ABL1: variants seen among roughly 807,000 people sequenced by gnomAD.
ABL1 encodes the protein tyrosine-protein kinase ABL1.
In ABL1, 11 loss-of-function variants were observed where a neutral mutation model predicts 94.7. The ratio of observed to expected loss-of-function variants is 0.12; its 90% CI spans 0.07 to 0.19. ABL1 has a LOEUF of 0.19. Ranked by LOEUF, ABL1 falls within the 10% of genes least tolerant of loss-of-function variation. The pLI is 1.00. For missense variants in ABL1, 1,082 were observed against 1,489.4 expected (o/e 0.73, Z 4.50); for synonymous variants, 656 against 622.4 (o/e 1.05, Z -0.80).
chr9:130,727,186 T>C (rs1239686851), intron 1 of ABL1, among the ~76,000 whole-genome samples: 9 of 152,134 alleles, frequency 5.9e-5, no homozygotes, highest in Admixed American at 5.9e-4. Flanking sequence ...ACATCTTCTA[T>C]ATTCTTACTT....
rs1350592542 is a variant in ABL1 at position 130,872,626 on chromosome 9, C to T, written c.908-234C>T. Among the ~76,000 whole-genome samples the T allele has an allele frequency of 6.6e-6, 1 of 152,198 alleles. No individual in the cohort carries two copies. Among genetic ancestry groups the T allele is most frequent in the African/African-American group, 2.4e-5 (1 of 41,440 alleles). ...CCAGGTCTGCGTCTGAATTCTGTGGCAGCCTCTCCCTGCGTAAATTCAAGT... is the reference window on the plus strand; with the variant it reads ...CCAGGTCTGCGTCTGAATTCTGTGGTAGCCTCTCCCTGCGTAAATTCAAGT... On this transcript the variant is annotated intron_variant, in intron 5 of 10. Coordinates refer to ENST00000318560, the MANE Select transcript of ABL1 (RefSeq NM_005157.6). This position sits in a 1 kb window ranked among gnomAD's most constrained non-coding sequence, Gnocchi z 5.0.
chr9:130,745,273 A>G (rs984064372), intron 1 of ABL1, among the ~76,000 whole-genome samples: 2 of 151,950 alleles, frequency 1.3e-5, no homozygotes, highest in African/African-American at 4.8e-5. Flanking sequence ...TAGTAGAGAC[A>G]GGATTTCTCC....
intron 1 of ABL1, among the ~76,000 whole-genome samples, chr9:130,777,449 G>A (rs1829682499): frequency 6.6e-6 from 1 of 150,764 alleles, no homozygotes; most frequent in South Asian, 2.1e-4. Flanking sequence ...ACCTCTCAGG[G>A]CTTTGTGTTG....
chr9:130,774,655 C>T (rs900322378), intron 1 of ABL1, among the ~76,000 whole-genome samples: 3 of 152,002 alleles, frequency 2.0e-5, no homozygotes, highest in African/African-American at 7.2e-5. Flanking sequence ...GAAACCTCAT[C>T]TGTTAAAAAA....
At chr9:130,830,789 T>C (rs541005641), upstream of ABL1, among the ~76,000 whole-genome samples, 7 of 152,370 alleles carry the variant, frequency 4.6e-5, no homozygotes, top group African/African-American at 1.2e-4. Flanking sequence ...ACTACTCTTA[T>C]GACTACCTCC....
chr9:130,823,117 T>C (rs1243425290), intron 1 of ABL1, among the ~76,000 whole-genome samples: 1 of 152,152 alleles, frequency 6.6e-6, no homozygotes, highest in Non-Finnish European at 1.5e-5. Context: ...TTATCAGGTA[T>C]ATGATAGCAC....
intron 1 of ABL1, among the ~76,000 whole-genome samples, chr9:130,793,089 C>T (rs1829930129): frequency 6.6e-6 from 1 of 152,092 alleles, no homozygotes; most frequent in African/African-American, 2.4e-5. Context: ...CCATGCCCAC[C>T]TAGTTTTTGT....
In ABL1 at chr9:130,880,475, G is replaced by A. The variant is rs1831432212; in HGVS notation, c.1514-25G>A. 6.2e-7 allele frequency: 1 copy of A among 1,612,266 alleles called. No homozygotes were observed. The highest frequency in any genetic ancestry group is 8.5e-7 in the Non-Finnish European group (1 of 1,179,334). Reference sequence around the variant, plus strand: ...CAGTACTGATGGCTGCTGGATTTTTGTTTCTGTCCCTGTATGATTCTTAGA... The same window carrying A: ...CAGTACTGATGGCTGCTGGATTTTTATTTCTGTCCCTGTATGATTCTTAGA... On this transcript the variant is annotated intron_variant, in intron 9 of 10. Transcript: ENST00000318560. This position sits in a 1 kb window ranked among gnomAD's most constrained non-coding sequence, Gnocchi z 4.4.
intron 1 of ABL1, among the ~76,000 whole-genome samples, chr9:130,750,847 A>G (rs1158364349): frequency 2.0e-5 from 3 of 151,268 alleles, no homozygotes; most frequent in Non-Finnish European, 4.4e-5. Context: ...GGGTTTCACC[A>G]TGTTAGTCAG....
Position 130,884,982 on chromosome 9 carries a change from G to A in ABL1, c.2692G>A (p.Ala898Thr), listed in dbSNP as rs2133038233. 1 of 1,610,452 alleles carries A rather than the reference G, an allele frequency of 6.2e-7. No homozygotes were observed. The highest frequency in any genetic ancestry group is 8.5e-7 in the Non-Finnish European group (1 of 1,179,126). Reference sequence around the variant, plus strand: ...GGGGAAATTGTCCAGGCTCAAACCTGCCCCGCCGCCCCCACCAGCAGCCTC... The same window carrying A: ...GGGGAAATTGTCCAGGCTCAAACCTACCCCGCCGCCCCCACCAGCAGCCTC... The part of the protein sequence containing the change: ...DKGKLSRLKP[A>T]PPPPPAASAG... Residue 898 changes from alanine to threonine, a missense_variant, in exon 11 of 11, where the codon GCC (alanine) becomes ACC (threonine). Physicochemically the swap from Ala to Thr is moderately conservative, Grantham distance 58. This residue lies in a region of ABL1 where 780 missense variants were observed against 835.8 expected (regional missense o/e 0.93). Coordinates refer to ENST00000318560, the MANE Select transcript of ABL1 (RefSeq NM_005157.6). The surrounding 1 kb of genome is among the most constrained non-coding windows in gnomAD (Gnocchi z 5.6).
chr9:130,865,818 C>T (rs1221637716), intron 4 of ABL1, among the ~76,000 whole-genome samples: 1 of 151,030 alleles, frequency 6.6e-6, no homozygotes, highest in Non-Finnish European at 1.5e-5. Flanking sequence ...TAACATTCAG[C>T]TTCATCGTGC....
intron 1 of ABL1, among the ~76,000 whole-genome samples, chr9:130,728,477 C>T (rs979106287): frequency 6.6e-6 from 1 of 151,286 alleles, no homozygotes; most frequent in African/African-American, 2.4e-5. Context: ...GCTCCACCTC[C>T]TGGGTTCATG....
At chr9:130,765,693 C>T (rs1400916473) in intron 1 of ABL1, among the ~76,000 whole-genome samples, 1 of 152,186 alleles carries the variant, frequency 6.6e-6, no homozygotes, top group Admixed American at 6.5e-5. Flanking sequence ...AACGTAGAGG[C>T]ACAATTAGAC....
chr9:130,871,605 G>A (rs1158457045), intron 4 of ABL1, among the ~76,000 whole-genome samples: 1 of 152,228 alleles, frequency 6.6e-6, no homozygotes, highest in African/African-American at 2.4e-5. Context: ...AGCATCCTCT[G>A]TTGCTACTGT....
intron 1 of ABL1, among the ~76,000 whole-genome samples, chr9:130,758,990 T>C (rs1200738492): frequency 6.6e-6 from 1 of 152,170 alleles, no homozygotes; most frequent in Non-Finnish European, 1.5e-5. Flanking sequence ...CTTTGGGAAG[T>C]GCTTTGGAAC....
At chr9:130,735,961 ATTTT>A (rs141181174) in intron 1 of ABL1, among the ~76,000 whole-genome samples, 9 of 94,874 alleles carry the variant, frequency 9.5e-5, no homozygotes, top group Admixed American at 1.3e-4. Flanking sequence ...ATATATATAT[ATTTT>A]TTTTTTTTAA....
At chr9:130,859,291 C>T (rs1170869842) in intron 3 of ABL1, among the ~76,000 whole-genome samples, 1 of 152,162 alleles carries the variant, frequency 6.6e-6, no homozygotes. Flanking sequence ...CATTTATTTT[C>T]ATCGTCTGCT....
At position 130,854,999 on chromosome 9, in the gene ABL1, T is replaced by C; in HGVS notation, c.452T>C (p.Val151Ala). 6.2e-7 allele frequency: 1 copy of C among 1,614,136 alleles called. No individual in the cohort carries two copies. Among genetic ancestry groups the C allele is most frequent in the Non-Finnish European group, 8.5e-7 (1 of 1,180,028 alleles). ...LSSGINGSFL[V>A]RESESSPGQR... ...AGCGGGATCAATGGCAGCTTCTTGG[T>C]GCGTGAGAGTGAGAGCAGTCCTGGC... Residue 151 changes from valine to alanine, a missense_variant, in exon 3 of 11, where the codon GTG becomes GCG. This residue lies in a region of ABL1 where 47 missense variants were observed against 142.2 expected (regional missense o/e 0.33). Coordinates refer to ENST00000318560, the MANE Select transcript of ABL1 (RefSeq NM_005157.6).
chr9:130,809,457 A>G (rs9919036), intron 1 of ABL1, among the ~76,000 whole-genome samples: 37,052 of 147,626 alleles, frequency 0.25, 6,003 homozygotes, highest in African/African-American at 0.48. Context: ...CGTGTGAAGA[A>G]ATTTATTGTA....
Sources: allele counts gnomAD v4.1 joint callset (sites outside exome capture counted in the v4.1 genomes callset), GRCh38; gene constraint gnomAD v4.1.1; regional missense constraint gnomAD v4.1.1; non-coding constraint Gnocchi (gnomAD v3.1); transcripts MANE v1.5; gene names NCBI Gene and HGNC (gene_info 2026-07-23, HGNC 2026-07-21).